TEK: variants seen among roughly 807,000 people sequenced by gnomAD.
TEK encodes the protein angiopoietin-1 receptor.
Under a neutral mutation model 131.8 loss-of-function variants are expected in TEK, and 43 were observed. The observed-to-expected ratio is 0.33, with a 90% CI of 0.26 to 0.42. The LOEUF (loss-of-function observed/expected upper bound fraction) is 0.42. Ranked by LOEUF, TEK falls within the 10% of genes least tolerant of loss-of-function variation. TEK has a pLI of 1.00. For synonymous variants in TEK, 580 were observed against 491.6 expected (o/e 1.18, Z -2.38); for missense variants, 1,162 against 1,384.4 (o/e 0.84, Z 2.55).
At chr9:27,125,149 C>T (rs912739163) in intron 1 of TEK, among the ~76,000 whole-genome samples, 2 of 152,248 alleles carry the variant, frequency 1.3e-5, no homozygotes, top group African/African-American at 4.8e-5. Flanking sequence ...CACAAACCAT[C>T]TGCCAAGAGA....
intron 1 of TEK, among the ~76,000 whole-genome samples, chr9:27,142,801 T>C (rs953181183): frequency 6.6e-6 from 1 of 152,258 alleles, no homozygotes; most frequent in Non-Finnish European, 1.5e-5. Context: ...CTGTTGCTTA[T>C]TTTGTCTAAG....
chr9:27,197,100 A>G (rs981764435), intron 11 of TEK, among the ~76,000 whole-genome samples: 3 of 150,710 alleles, frequency 2.0e-5, no homozygotes, highest in Non-Finnish European at 4.4e-5. Context: ...TCAAATGACC[A>G]GATTTCATCA....
intron 20 of TEK, 64 bp from the exon 21 acceptor site, chr9:27,219,985 C>T: frequency 3.9e-6 from 6 of 1,546,276 alleles, no homozygotes; most frequent in Non-Finnish European, 5.4e-6. Flanking sequence ...ATTTAGAAAC[C>T]CTGGACAGGA....
intron 21 of TEK, among the ~76,000 whole-genome samples, chr9:27,223,027 G>A (rs1826152054): frequency 6.6e-6 from 1 of 152,180 alleles, no homozygotes; most frequent in East Asian, 1.9e-4. Context: ...GACAAAGAAG[G>A]ACATTACATA....
chr9:27,221,581 TTGCTGTTC>T (rs1207806587), intron 21 of TEK, among the ~76,000 whole-genome samples: 1 of 152,160 alleles, frequency 6.6e-6, no homozygotes, highest in African/African-American at 2.4e-5. Context: ...GCAGCAATCT[TTGCTGTTC>T]TGCAGCCTCT....
intron 1 of TEK, among the ~76,000 whole-genome samples, chr9:27,132,254 A>G (rs1048837162): frequency 4.0e-5 from 6 of 151,698 alleles, no homozygotes; most frequent in African/African-American, 7.3e-5. Context: ...CACCTGACTA[A>G]TGTTTGTATT....
intron 20 of TEK, 85 bp downstream of exon 20, chr9:27,218,902 A>G: frequency 7.6e-7 from 1 of 1,307,206 alleles, no homozygotes; most frequent in East Asian, 2.3e-5. Flanking sequence ...ATAATTCCAC[A>G]GGATGCCGTT....
intron 9 of TEK, among the ~76,000 whole-genome samples, chr9:27,189,790 G>GTGA (rs1824741049): frequency 6.6e-6 from 1 of 152,136 alleles, no homozygotes; most frequent in African/African-American, 2.4e-5. Flanking sequence ...TTTTAGCACA[G>GTGA]TGAGATGCAT....
In TEK at chr9:27,197,409, C is replaced by G; in HGVS notation, c.1719C>G (p.Asp573Glu). 5 of 1,614,120 alleles carry G rather than the reference C, an allele frequency of 3.1e-6. No individual in the cohort carries two copies. Among genetic ancestry groups the G allele is most frequent in the Non-Finnish European group, 4.2e-6 (5 of 1,180,010 alleles). The change falls in exon 12 of 23, where the codon GAC (aspartate) becomes GAG (glutamate). Residue 573 changes from aspartate (D) to glutamate (E), a missense_variant. Asp to Glu is a conservative substitution (Grantham distance 45). This residue lies in a region of TEK where 477 missense variants were observed against 471.0 expected (regional missense o/e 1.01). Transcript: ENST00000380036. ...WQPIFPSSED[D>E]FYVEVERRSV... ...CAATATTTCCAAGCTCGGAAGATGA[C>G]TTTTATGTTGAAGTGGAGAGAAGGT...
Position 27,222,502 on chromosome 9 carries a change from T to TAACA in TEK, c.3200+2358_3200+2361dup, listed in dbSNP as rs1362989053. Among the ~76,000 whole-genome samples, 4 of 152,266 alleles carry TAACA rather than the reference T, an allele frequency of 2.6e-5. No individual in the cohort carries two copies. In the East Asian group the frequency reaches 5.8e-4, roughly 22 times the overall value. On this transcript the variant is annotated intron_variant, in intron 21 of 22. Transcript: ENST00000380036. ...ACCCACAAAGGGAAGCCAAACAGACTAACAGTAGACCTCTCTGTAGAAACC... is the reference window on the plus strand; with the variant it reads ...ACCCACAAAGGGAAGCCAAACAGACTAACAAACAGTAGACCTCTCTGTAGAAACC...
chr9:27,200,862 C>G (rs1825190503), intron 12 of TEK, among the ~76,000 whole-genome samples: 1 of 152,076 alleles, frequency 6.6e-6, no homozygotes, highest in South Asian at 2.1e-4. Flanking sequence ...TCACAGTTAA[C>G]AGATGAGGAA....
At chr9:27,169,919 C>A (rs1011847499) in intron 4 of TEK, among the ~76,000 whole-genome samples, 3 of 152,026 alleles carry the variant, frequency 2.0e-5, no homozygotes, top group Admixed American at 1.3e-4. Flanking sequence ...TTTCTCAGGG[C>A]AAATCATTTC....
intron 19 of TEK, 49 bp from the exon 20 acceptor site, chr9:27,218,727 GC>G: frequency 6.2e-7 from 1 of 1,609,536 alleles, no homozygotes; most frequent in Non-Finnish European, 8.5e-7. Flanking sequence ...CGGAAAATGA[GC>G]GGTGACTCTG....
rs1286994139 is a variant in TEK at position 27,183,533 on chromosome 9, A to G, written c.1105A>G (p.Ile369Val). 3 of 1,613,788 alleles carry G rather than the reference A, an allele frequency of 1.9e-6. No individual in the cohort carries two copies. Among genetic ancestry groups the G allele is most frequent in the Admixed American group, 3.3e-5 (2 of 59,992 alleles). ...IEVNSGKFNPICKASGWPLPT... is the reference protein window; with the variant it reads ...IEVNSGKFNPVCKASGWPLPT... ...AGTAAACAGTGGTAAATTTAATCCC[A>G]TTTGCAAAGCTTCTGGCTGGCCGCT... Residue 369 changes from isoleucine (I) to valine (V), a missense_variant, in exon 8 of 23, where the codon ATT becomes GTT. By Grantham distance (29) the Ile-to-Val change is conservative. Coordinates refer to ENST00000380036, the MANE Select transcript of TEK (RefSeq NM_000459.5).
rs569821538 is a variant in TEK, at chr9:27,219,836, C to T, written c.3104-213C>T. Among the ~76,000 whole-genome samples the T allele has an allele frequency of 2.0e-5, 3 of 152,224 alleles. No homozygotes were observed. The East Asian group carries it at 5.8e-4, about 29-fold the overall frequency. ...GGCACTAAGGAAGCCTGTGGTGGTT[C>T]CTTCCCCTGAAGCAATGATCATGCT... On this transcript the variant is annotated intron_variant, in intron 20 of 22. Transcript: ENST00000380036.
chr9:27,120,175 C>T (rs887648895), intron 1 of TEK, among the ~76,000 whole-genome samples: 1 of 152,188 alleles, frequency 6.6e-6, no homozygotes, highest in Admixed American at 6.5e-5. Context: ...TCTTTGCCTG[C>T]CTCACCAGCC....
intron 1 of TEK, among the ~76,000 whole-genome samples, chr9:27,151,139 T>C (rs1405550073): frequency 6.6e-6 from 1 of 152,208 alleles, no homozygotes; most frequent in East Asian, 1.9e-4. Context: ...TATCTTCTTG[T>C]TAGCTGCCCA....
At chr9:27,140,526 C>G (rs529786017) in intron 1 of TEK, among the ~76,000 whole-genome samples, 3 of 152,048 alleles carry the variant, frequency 2.0e-5, no homozygotes, top group Non-Finnish European at 2.9e-5. Flanking sequence ...GCCAAGAGTC[C>G]TTTTGTCTAT....
intron 1 of TEK, among the ~76,000 whole-genome samples, chr9:27,135,765 CT>C (rs57061392): frequency 0.52 from 78,487 of 151,530 alleles, 21,280 homozygotes; most frequent in African/African-American, 0.57. Context: ...CCTGGTCTAT[CT>C]CAGAGCAGAC....
Sources: gnomAD v4.1 joint callset for allele counts (sites outside exome capture counted in the v4.1 genomes callset) on GRCh38, gnomAD v4.1.1 for gene constraint, gnomAD v4.1.1 regional missense constraint, MANE v1.5 for transcripts, NCBI Gene and HGNC (gene_info 2026-07-23, HGNC 2026-07-21) for gene names.